The following FHIP1A variants were observed in gnomAD, a reference collection of about 807,000 sequenced individuals.
FHIP1A encodes FHF complex subunit HOOK-interacting protein 1A.
A neutral mutation model predicts 88.6 loss-of-function variants in FHIP1A; 61 were observed. The ratio of observed to expected loss-of-function variants is 0.69; its 90% CI spans 0.56 to 0.85. The LOEUF is 0.85. Among genes scored for constraint, FHIP1A ranks in the 40% least tolerant of loss-of-function variants. The probability of loss-of-function intolerance (pLI) is 0.00; values close to 1 mark genes in which losing one functional copy is unlikely to be tolerated. For synonymous variants in FHIP1A, 478 were observed against 496.0 expected (o/e 0.96, Z 0.48); for missense variants, 1,154 against 1,273.5 (o/e 0.91, Z 1.43).
intron 2 of FHIP1A, among the ~76,000 whole-genome samples, chr4:151,461,810 T>G (rs961537452): frequency 6.6e-6 from 1 of 152,192 alleles, no homozygotes; most frequent in African/African-American, 2.4e-5. Context: ...ACAGGCTCAT[T>G]TCTTTTTCTT....
intron 3 of FHIP1A, among the ~76,000 whole-genome samples, chr4:151,498,483 CT>C (rs1420872819): frequency 6.6e-6 from 1 of 152,126 alleles, no homozygotes; most frequent in Non-Finnish European, 1.5e-5. Context: ...GGTAGCTGTG[CT>C]GTGTTTGGCC....
intron 3 of FHIP1A, among the ~76,000 whole-genome samples, chr4:151,494,097 C>T (rs770110797): frequency 1.4e-4 from 21 of 152,122 alleles, no homozygotes; most frequent in Non-Finnish European, 2.6e-4. Context: ...CCAAAAAGCT[C>T]CTTATAGATT....
chr4:151,629,818 G>A lies in FHIP1A; in HGVS notation c.1095G>A (p.Glu365=), dbSNP rs895114392. The A allele has an allele frequency of 6.4e-7, 1 of 1,551,448 alleles. No individual in the cohort carries two copies. The highest frequency in any genetic ancestry group is 2.0e-5 in the Admixed American group (1 of 50,998). The change falls in exon 8 of 14, where the codon GAG becomes GAA. Residue 365 remains glutamate (E), a synonymous_variant. Transcript: ENST00000435205. The part of the protein sequence containing the change: ...FLRFILLHQH[E]NVHILDTLTS... The stretch of plus-strand genomic sequence containing the variant: ...GTTTTATCCTATTGCACCAGCACGA[G>A]AATGTCCACATCCTAGACACTCTCA...
At chr4:151,472,454 C>A (rs1431266826) in intron 2 of FHIP1A, among the ~76,000 whole-genome samples, 1 of 152,004 alleles carries the variant, frequency 6.6e-6, no homozygotes, top group African/African-American at 2.4e-5. Flanking sequence ...TGCTATAAAG[C>A]CAAGTCTTTG....
At chr4:151,621,586 G>T in intron 7 of FHIP1A, among the ~76,000 whole-genome samples, 1 of 150,238 alleles carries the variant, frequency 6.7e-6, no homozygotes, top group Non-Finnish European at 1.5e-5. Flanking sequence ...AGGAGTTGGG[G>T]GGGTTGCGTG....
chr4:151,497,264 T>A, intron 3 of FHIP1A, among the ~76,000 whole-genome samples: 1 of 152,204 alleles, frequency 6.6e-6, no homozygotes, highest in East Asian at 1.9e-4. Flanking sequence ...TTTAAATAAA[T>A]CCATATTTTG....
chr4:151,542,892 TG>T (rs1255068447), intron 3 of FHIP1A, among the ~76,000 whole-genome samples: 1 of 152,228 alleles, frequency 6.6e-6, no homozygotes, highest in Non-Finnish European at 1.5e-5. Context: ...ATCTATAAAT[TG>T]GGCATAATGC....
At chr4:151,646,816 T>C in intron 10 of FHIP1A, 68 bp downstream of exon 10, 1 of 1,070,110 alleles carries the variant, frequency 9.3e-7, no homozygotes, top group South Asian at 1.5e-5. Flanking sequence ...GGGATATGTG[T>C]CCCTTTGGGT....
chr4:151,464,518 C>T (rs1729242480), intron 2 of FHIP1A, among the ~76,000 whole-genome samples: 1 of 152,162 alleles, frequency 6.6e-6, no homozygotes, highest in South Asian at 2.1e-4. Flanking sequence ...TGAAGGACTA[C>T]TATATTAAGT....
In FHIP1A at chr4:151,667,945, C is replaced by T. The variant is rs913833778; in HGVS notation, c.*5191C>T. Among the ~76,000 whole-genome samples the T allele has an allele frequency of 6.6e-6, 1 of 152,174 alleles. No homozygotes were observed. The highest frequency in any genetic ancestry group is 1.5e-5 in the Non-Finnish European group (1 of 68,036). On this transcript the variant is annotated 3_prime_UTR_variant, in exon 14 of 14. Coordinates refer to ENST00000435205, the MANE Select transcript of FHIP1A (RefSeq NM_001109977.3). ...TTCATGGAACGGAGGCTGCAGAAGT[C>T]TGTGCTGCTTAGTGTGTCAGCTGAC... is the stretch of plus-strand genomic sequence containing the variant.
chr4:151,446,349 A>G (rs908639961), intron 1 of FHIP1A, among the ~76,000 whole-genome samples: 1 of 152,100 alleles, frequency 6.6e-6, no homozygotes, highest in African/African-American at 2.4e-5. Context: ...AATTTTTGCC[A>G]TATCTTTCCA....
Position 151,650,009 on chromosome 4 carries a change from G to A in FHIP1A, c.1968G>A (p.Met656Ile). The change falls in exon 11 of 14, where the codon ATG (methionine) becomes ATA (isoleucine). Residue 656 changes from methionine to isoleucine, a missense_variant. Transcript: ENST00000435205. ...RLCAEKDSED[M>I]KDSQEEAARP... ...GTGCTGAGAAGGACTCCGAGGACAT[G>A]AAGGATTCTCAGGAGGAAGCTGCTA... The A allele has an allele frequency of 6.4e-7, 1 of 1,551,706 alleles. No homozygotes were observed. Among genetic ancestry groups the A allele is most frequent in the Non-Finnish European group, 8.7e-7 (1 of 1,146,994 alleles).
At chr4:151,619,306 T>A (rs992570053) in intron 7 of FHIP1A, among the ~76,000 whole-genome samples, 1 of 152,232 alleles carries the variant, frequency 6.6e-6, no homozygotes, top group Non-Finnish European at 1.5e-5. Flanking sequence ...TAAATGTTAG[T>A]GTTGTCTCTT....
At position 151,566,192 on chromosome 4, in the gene FHIP1A, T is replaced by C; in HGVS notation, c.-68T>C. On this transcript the variant is annotated 5_prime_UTR_variant, in exon 4 of 14. Coordinates refer to ENST00000435205, the MANE Select transcript of FHIP1A (RefSeq NM_001109977.3). ...AAGTTACATTTCTCAAACTTGAAAGTTAGTGACGGCTTACCAAATTTTAAT... is the reference window on the plus strand; with the variant it reads ...AAGTTACATTTCTCAAACTTGAAAGCTAGTGACGGCTTACCAAATTTTAAT... The C allele has an allele frequency of 2.1e-6, 2 of 933,698 alleles. No homozygotes were observed. Among genetic ancestry groups the C allele is most frequent in the Non-Finnish European group, 3.2e-6 (2 of 625,704 alleles). 57.8% of individuals were successfully genotyped at this position (933,698 alleles called of 1,614,324 possible).
chr4:151,506,910 A>G (rs1730855729), intron 3 of FHIP1A, among the ~76,000 whole-genome samples: 1 of 152,216 alleles, frequency 6.6e-6, no homozygotes, highest in South Asian at 2.1e-4. Flanking sequence ...TTTACAAACA[A>G]CTTTGCTTCC....
intron 1 of FHIP1A, among the ~76,000 whole-genome samples, chr4:151,446,640 T>C (rs1209388903): frequency 6.6e-6 from 1 of 150,808 alleles, no homozygotes; most frequent in Non-Finnish European, 1.5e-5. Context: ...GAAGTTTCGG[T>C]GCTTTAAAAA....
chr4:151,489,886 T>C (rs1730221969), intron 3 of FHIP1A, among the ~76,000 whole-genome samples: 1 of 152,092 alleles, frequency 6.6e-6, no homozygotes, highest in Non-Finnish European at 1.5e-5. Flanking sequence ...CTCCCCGCCC[T>C]AGTAGCCAAA....
intron 7 of FHIP1A, among the ~76,000 whole-genome samples, chr4:151,622,836 A>G (rs558269311): frequency 6.6e-6 from 1 of 152,256 alleles, no homozygotes; most frequent in Non-Finnish European, 1.5e-5. Flanking sequence ...GGACCATGCT[A>G]TGAATTACCT....
chr4:151,550,637 C>T (rs1451420473), intron 3 of FHIP1A, among the ~76,000 whole-genome samples: 2 of 152,126 alleles, frequency 1.3e-5, no homozygotes, highest in African/African-American at 4.8e-5. Flanking sequence ...AGGCTTGTAC[C>T]ATTTAAAAGA....
Sources: allele counts gnomAD v4.1 joint callset (sites outside exome capture counted in the v4.1 genomes callset), GRCh38; gene constraint gnomAD v4.1.1; transcripts MANE v1.5; gene names NCBI Gene and HGNC (gene_info 2026-07-23, HGNC 2026-07-21).